The following URB1 variants were observed in gnomAD, a reference collection of about 807,000 sequenced individuals.
URB1 encodes URB1 ribosome biogenesis factor.
In URB1, 197 loss-of-function variants were observed where a neutral mutation model predicts 242.3. That is an observed-to-expected ratio of 0.81 (90% CI 0.72 to 0.91). The LOEUF is 0.91. URB1 is among the 40% of genes least tolerant of loss of function. The probability of loss-of-function intolerance (pLI) is 0.00; values close to 1 mark genes in which losing one functional copy is unlikely to be tolerated. For missense variants in URB1, 2,721 were observed against 2,860.5 expected (o/e 0.95, Z 1.11); for synonymous variants, 1,153 against 1,201.8 (o/e 0.96, Z 0.84).
intron 8 of URB1, among the ~76,000 whole-genome samples, chr21:32,369,002 T>G (rs2033377775): frequency 1.3e-5 from 2 of 152,144 alleles, no homozygotes; most frequent in Non-Finnish European, 2.9e-5. Context: ...GCCCCAAATT[T>G]CATTTTGAGA....
chr21:32,384,396 A>G lies in URB1; in HGVS notation c.351T>C (p.His117=), dbSNP rs545499265. Residue 117 remains histidine (H), a synonymous_variant, in exon 3 of 39, where the codon CAT becomes CAC. Coordinates refer to ENST00000382751, the MANE Select transcript of URB1 (RefSeq NM_014825.3). ...LRTASDLSHF[H]VVGTNIVKKL... ...TTTTCACAATGTTGGTTCCCACAAC[A>G]TGGAAATGTGAAAGATCACTTGCTG... 1 of 1,552,220 alleles carries G rather than the reference A, an allele frequency of 6.4e-7. No individual in the cohort carries two copies. Among genetic ancestry groups the G allele is most frequent in the Non-Finnish European group, 8.7e-7 (1 of 1,147,082 alleles).
At chr21:32,315,415 G>A (rs559854399) in intron 38 of URB1, among the ~76,000 whole-genome samples, 1 of 152,032 alleles carries the variant, frequency 6.6e-6, no homozygotes, top group Admixed American at 6.6e-5. Context: ...CTGGGCTCAG[G>A]TGATCCTCCC....
intron 23 of URB1, 147 bp downstream of exon 23, chr21:32,345,227 G>A (rs2033072658): frequency 1.1e-6 from 1 of 878,532 alleles, no homozygotes; most frequent in Non-Finnish European, 1.7e-6. Flanking sequence ...CAGGCAGGAT[G>A]GCTGGAAGTA....
rs1299051330 is a variant in URB1 at position 32,347,239 on chromosome 21, C to G, written c.3585G>C (p.Glu1195Asp). The change falls in exon 22 of 39, where the codon GAG becomes GAC. Residue 1195 changes from glutamate (E) to aspartate (D), a missense_variant. Physicochemically the swap from Glu to Asp is conservative, Grantham distance 45. Coordinates refer to ENST00000382751, the MANE Select transcript of URB1 (RefSeq NM_014825.3). Reference sequence around the variant, plus strand: ...GAGTGTGGAGGAGCACTGTGTCCAGCTCGTCCACTGCTAGCGTGGGCAGCA... The same window carrying G: ...GAGTGTGGAGGAGCACTGTGTCCAGGTCGTCCACTGCTAGCGTGGGCAGCA... ...GALLPTLAVD[E>D]LDTVLLHTLQ... 5.2e-6 allele frequency: 8 copies of G among 1,550,702 alleles called. No homozygotes were observed. The highest frequency in any genetic ancestry group is 7.0e-6 in the Non-Finnish European group (8 of 1,146,998).
intron 32 of URB1, among the ~76,000 whole-genome samples, chr21:32,323,339 GC>G (rs1191325487): frequency 6.6e-6 from 1 of 152,194 alleles, no homozygotes; most frequent in Non-Finnish European, 1.5e-5. Flanking sequence ...ACCCTTGGGA[GC>G]CTCAGTTAGT....
chr21:32,319,960 C>T (rs2032744694), intron 35 of URB1, among the ~76,000 whole-genome samples: 1 of 152,226 alleles, frequency 6.6e-6, no homozygotes, highest in Non-Finnish European at 1.5e-5. Context: ...CCGCCAAGTG[C>T]TGTCTGCTGT....
intron 2 of URB1, among the ~76,000 whole-genome samples, chr21:32,384,882 G>A (rs1022828885): frequency 1.3e-5 from 2 of 152,220 alleles, no homozygotes; most frequent in Non-Finnish European, 2.9e-5. Context: ...TTGGGAGGCT[G>A]AGGCAGGAGA....
chr21:32,334,020 G>A, intron 29 of URB1, 143 bp downstream of exon 29: 1 of 1,078,490 alleles, frequency 9.3e-7, no homozygotes, highest in Non-Finnish European at 1.3e-6. Context: ...GCTTATGAGG[G>A]TCTGGTCTCT....
Position 32,385,664 on chromosome 21 carries a change from C to A in URB1, c.163G>T (p.Ala55Ser). 2 of 1,551,514 alleles carry A rather than the reference C, an allele frequency of 1.3e-6. No individual in the cohort carries two copies. The highest frequency in any genetic ancestry group is 2.0e-5 in the Admixed American group (1 of 50,962). The change falls in exon 2 of 39, where the codon GCT becomes TCT. Residue 55 changes from alanine (A) to serine (S), a missense_variant. By Grantham distance (99) the Ala-to-Ser change is moderately conservative. Coordinates refer to ENST00000382751, the MANE Select transcript of URB1 (RefSeq NM_014825.3). ...PGPGLEAFVS[A>S]AKKLPREDVY... ...TCTTCTCGTGGTAGCTTCTTGGCAG[C>A]AGACACAAACGCTTCCAAGCCTGAA...
intron 15 of URB1, among the ~76,000 whole-genome samples, chr21:32,356,282 C>T (rs1328783650): frequency 6.6e-6 from 1 of 152,146 alleles, no homozygotes; most frequent in African/African-American, 2.4e-5. Context: ...GCCCTAGCTA[C>T]TCAGGAGGCT....
At chr21:32,339,434 C>T (rs2033002070) in intron 25 of URB1, among the ~76,000 whole-genome samples, 1 of 151,730 alleles carries the variant, frequency 6.6e-6, no homozygotes, top group Non-Finnish European at 1.5e-5. Flanking sequence ...TGTCCACTGA[C>T]ACAGGGAGCA....
At chr21:32,334,356 G>A (rs1432184874) in intron 28 of URB1, 22 bp from the exon 29 acceptor site, 5 of 1,531,084 alleles carry the variant, frequency 3.3e-6, no homozygotes, top group South Asian at 1.2e-5. Flanking sequence ...AAAGGGAAAA[G>A]AGACTGGTCA....
chr21:32,341,542 A>G lies in URB1; in HGVS notation c.4258-18T>C. On this transcript the variant is annotated intron_variant, in intron 24 of 38. Coordinates refer to ENST00000382751, the MANE Select transcript of URB1 (RefSeq NM_014825.3). ...AGTGCATGCTATGAATAAAATAAGT[A>G]AGAAAAACACATGAAACATCTCAGT... The G allele has an allele frequency of 6.5e-7, 1 of 1,550,278 alleles. No homozygotes were observed. The highest frequency in any genetic ancestry group is 8.7e-7 in the Non-Finnish European group (1 of 1,146,320).
chr21:32,389,450 G>A (rs898482380), intron 1 of URB1, among the ~76,000 whole-genome samples: 1 of 152,212 alleles, frequency 6.6e-6, no homozygotes, highest in African/African-American at 2.4e-5. Flanking sequence ...CACAGCACGG[G>A]CTGCAGGGAA....
In URB1 at chr21:32,334,265, C is replaced by G; in HGVS notation, c.4755G>C (p.Trp1585Cys). ...KTCRSLGRSL[W>C]QQPSVGDILR... Reference sequence around the variant, plus strand: ...GGATGTCCCCGACACTCGGCTGCTGCCACAGTGACCTGCCCAGGCTCCGGC... The same window carrying G: ...GGATGTCCCCGACACTCGGCTGCTGGCACAGTGACCTGCCCAGGCTCCGGC... Residue 1585 changes from tryptophan to cysteine, a missense_variant, in exon 29 of 39, where the codon TGG becomes TGC. Physicochemically the swap from Trp to Cys is radical, Grantham distance 215 (BLOSUM62 -2). Coordinates refer to ENST00000382751, the MANE Select transcript of URB1 (RefSeq NM_014825.3). 1 of 1,551,618 alleles carries G rather than the reference C, an allele frequency of 6.4e-7. No individual in the cohort carries two copies. Among genetic ancestry groups the G allele is most frequent in the Admixed American group, 2.0e-5 (1 of 50,998 alleles).
intron 10 of URB1, among the ~76,000 whole-genome samples, chr21:32,366,153 C>T (rs543573331): frequency 1.3e-5 from 2 of 152,028 alleles, no homozygotes; most frequent in Admixed American, 6.5e-5. Context: ...AACAGCTGGC[C>T]TTCAAAGTAT....
chr21:32,337,596 A>T, intron 26 of URB1, 82 bp from the exon 27 acceptor site: 1 of 1,157,382 alleles, frequency 8.6e-7, no homozygotes, highest in East Asian at 2.6e-5. Context: ...CTTCCAGGCA[A>T]CATTGAAATG....
At position 32,363,237 on chromosome 21, in the gene URB1, T is replaced by C; in HGVS notation, c.1428A>G (p.Lys476=). 1.3e-6 allele frequency: 2 copies of C among 1,552,120 alleles called. No homozygotes were observed. Among genetic ancestry groups the C allele is most frequent in the Non-Finnish European group, 8.7e-7 (1 of 1,147,092 alleles). Residue 476 remains lysine (K), a synonymous_variant, in exon 11 of 39, where the codon AAA becomes AAG. Coordinates refer to ENST00000382751, the MANE Select transcript of URB1 (RefSeq NM_014825.3). ...ALKTVDHCLN[K]EVWQESGVYT... ...ACACGCCTGATTCCTGCCACACCTC[T>C]TTATTCAGGCAGTGGTCAACAGTTT...
Position 32,317,155 on chromosome 21 carries a change from A to C in URB1, c.6035-90T>G, listed in dbSNP as rs984769357. The C allele has an allele frequency of 8.4e-6, 12 of 1,437,040 alleles. No homozygotes were observed. The Admixed American group carries it at 2.5e-4, about 30-fold the overall frequency. The allele number at this position is 1,437,040 out of a possible 1,614,324, so 89.0% of individuals were successfully genotyped here. A position where few individuals can be genotyped will look rare whatever the true frequency, so the allele number is the denominator to read the frequency against. On this transcript the variant is annotated intron_variant, in intron 37 of 38. Coordinates refer to ENST00000382751, the MANE Select transcript of URB1 (RefSeq NM_014825.3). The stretch of plus-strand genomic sequence containing the variant: ...TGGGGAGGTGTCAATGGGGGACACG[A>C]GGGGCGGCTTGCATGTCCTGAGCAC...
Sources: gnomAD v4.1 joint callset for allele counts (sites outside exome capture counted in the v4.1 genomes callset) on GRCh38, gnomAD v4.1.1 for gene constraint, MANE v1.5 for transcripts, NCBI Gene and HGNC (gene_info 2026-07-23, HGNC 2026-07-21) for gene names.